Variants in MRPS10 observed in about 807,000 individuals in gnomAD.
MRPS10 encodes the protein mitochondrial ribosomal protein S10.
A neutral mutation model predicts 27.5 loss-of-function variants in MRPS10; 23 were observed. The observed-to-expected ratio is 0.84, with a 90% CI of 0.60 to 1.18. The LOEUF (loss-of-function observed/expected upper bound fraction) is 1.18. Among genes scored for constraint, MRPS10 ranks in the 50% most tolerant of loss-of-function variants. The pLI is 0.00. For missense variants in MRPS10, 237 were observed against 240.1 expected, an observed-to-expected ratio of 0.99 and a Z score of 0.09; for synonymous variants, 88 against 84.2, an observed-to-expected ratio of 1.04 and a Z score of -0.25.
rs368400750 is a variant in MRPS10 at position 42,207,781 on chromosome 6, A to G, written c.*508T>C. On this transcript the variant is annotated 3_prime_UTR_variant, in exon 7 of 7. Coordinates refer to ENST00000053468, the MANE Select transcript of MRPS10 (RefSeq NM_018141.4). ...CTGTGAAGTATATTCAGTCTTCAAA[A>G]TGTAATGCTTACATGAGATAAAATC... is the stretch of plus-strand genomic sequence containing the variant. The G allele has an allele frequency of 6.3e-6, 1 of 159,270 alleles. No individual in the cohort carries two copies. 9.9% of individuals were successfully genotyped at this position (159,270 alleles called of 1,614,324 possible). A position where few individuals can be genotyped will look rare whatever the true frequency, so the allele number is the denominator to read the frequency against.
chr6:42,213,313 G>GCC (rs1768836258), intron 3 of MRPS10, among the ~76,000 whole-genome samples: 4 of 152,284 alleles, frequency 2.6e-5, no homozygotes, highest in African/African-American at 9.6e-5. Flanking sequence ...GCCAGGCATG[G>GCC]TGGTGTGTGC....
intron 1 of MRPS10, among the ~76,000 whole-genome samples, chr6:42,214,584 CAA>C (rs34855351): frequency 6.6e-6 from 1 of 150,916 alleles, no homozygotes; most frequent in Admixed American, 6.6e-5. Flanking sequence ...AAAACTTTTT[CAA>C]AAAAAACAAT....
At chr6:42,216,441 G>A (rs982300569) in intron 1 of MRPS10, among the ~76,000 whole-genome samples, 5 of 141,210 alleles carry the variant, frequency 3.5e-5, no homozygotes, top group Admixed American at 1.5e-4. Flanking sequence ...GGAAGGGAGG[G>A]CTGTCTGGGT....
At chr6:42,217,694 A>G in intron 1 of MRPS10, 108 bp downstream of exon 1, 5 of 1,134,232 alleles carry the variant, frequency 4.4e-6, no homozygotes, top group Non-Finnish European at 6.5e-6. Flanking sequence ...GCGCGAGGTG[A>G]GGGATAAATA....
At chr6:42,209,217 C>CA (rs55858057) in intron 5 of MRPS10, among the ~76,000 whole-genome samples, 82,568 of 151,282 alleles carry the variant, frequency 0.55, 24,369 homozygotes, top group East Asian at 0.82. Context: ...AGGCTGGCCT[C>CA]AAACTCCTGA....
chr6:42,208,852 C>A lies in MRPS10; in HGVS notation c.522+6G>T, dbSNP rs762823070. On this transcript the variant is annotated splice_donor_region_variant and intron_variant, in intron 6 of 6. Coordinates refer to ENST00000053468, the MANE Select transcript of MRPS10 (RefSeq NM_018141.4). Reference sequence around the variant, plus strand: ...CCACCGAAAGAGGCAGAAATTCAAGCTATACCTTTGTTACTTCCATGGCAA... The same window carrying A: ...CCACCGAAAGAGGCAGAAATTCAAGATATACCTTTGTTACTTCCATGGCAA... The A allele has an allele frequency of 1.3e-6, 2 of 1,586,868 alleles. No homozygotes were observed. The highest frequency in any genetic ancestry group is 1.7e-6 in the Non-Finnish European group (2 of 1,157,246).
intron 5 of MRPS10, 65 bp from the exon 6 acceptor site, chr6:42,209,012 T>TG: frequency 1.8e-6 from 2 of 1,094,164 alleles, no homozygotes; most frequent in Non-Finnish European, 2.7e-6. Context: ...TTTTGTTTTT[T>TG]TTTTTGAGAT....
At chr6:42,208,472 T>G in intron 6 of MRPS10, 100 bp from the exon 7 acceptor site, 3 of 903,614 alleles carry the variant, frequency 3.3e-6, no homozygotes, top group Non-Finnish European at 5.2e-6. Flanking sequence ...TACTTCTTTT[T>G]CTTTTATCCC....
chr6:42,215,920 A>T (rs995801795), intron 1 of MRPS10, among the ~76,000 whole-genome samples: 7 of 152,128 alleles, frequency 4.6e-5, no homozygotes, highest in African/African-American at 1.7e-4. Context: ...CAATTACACC[A>T]GTGACCCCAC....
chr6:42,210,681 A>G, intron 4 of MRPS10, 85 bp from the exon 5 acceptor site: 2 of 1,521,768 alleles, frequency 1.3e-6, no homozygotes, highest in Non-Finnish European at 1.8e-6. Context: ...CTCACACTCA[A>G]TTATAGGCAT....
chr6:42,214,474 A>C, intron 1 of MRPS10, 130 bp from the exon 2 acceptor site: 1 of 529,102 alleles, frequency 1.9e-6, no homozygotes, highest in Non-Finnish European at 3.2e-6. Flanking sequence ...AAAATGGCCA[A>C]ATTAGATTGA....
chr6:42,214,383 G>A, intron 1 of MRPS10, 39 bp from the exon 2 acceptor site: 1 of 1,445,276 alleles, frequency 6.9e-7, no homozygotes, highest in Non-Finnish European at 9.6e-7. Context: ...TAGAATTAAA[G>A]TCAACTACCA....
chr6:42,209,046 C>G, intron 5 of MRPS10, 99 bp from the exon 6 acceptor site: 1 of 737,300 alleles, frequency 1.4e-6, no homozygotes, highest in Non-Finnish European at 2.2e-6. Flanking sequence ...GTTGCCTGGG[C>G]TGGAGTGTGT....
At chr6:42,213,222 G>A (rs1338402521) in intron 3 of MRPS10, among the ~76,000 whole-genome samples, 2 of 152,214 alleles carry the variant, frequency 1.3e-5, no homozygotes, top group Non-Finnish European at 2.9e-5. Context: ...GCTGAGGCAG[G>A]CAGATCACTT....
Position 42,214,148 on chromosome 6 carries a change from T to G in MRPS10, c.158A>C (p.Asp53Ala). 1.9e-6 allele frequency: 3 copies of G among 1,613,110 alleles called. No homozygotes were observed. The highest frequency in any genetic ancestry group is 2.5e-6 in the Non-Finnish European group (3 of 1,179,632). ...KWVQFSNLHVDVPKDLTKPVV... is the reference protein window; with the variant it reads ...KWVQFSNLHVAVPKDLTKPVV... ...AGGTTTGGTCAAATCCTTTGGAACA[T>G]CAACGTGTAGGTTTGAAAACTGTAC... The change falls in exon 3 of 7, where the codon GAT becomes GCT. Residue 53 changes from aspartate (D) to alanine (A), a missense_variant. Physicochemically the swap from Asp to Ala is moderately radical, Grantham distance 126 (BLOSUM62 -2). Transcript: ENST00000053468.
At chr6:42,216,432 G>A (rs1461321389) in intron 1 of MRPS10, among the ~76,000 whole-genome samples, 1 of 143,760 alleles carries the variant, frequency 7.0e-6, no homozygotes, top group Non-Finnish European at 1.5e-5. Flanking sequence ...TGGTGGTTTG[G>A]AAGGGAGGGC....
intron 3 of MRPS10, among the ~76,000 whole-genome samples, chr6:42,213,190 T>A (rs1768833278): frequency 6.6e-6 from 1 of 152,254 alleles, no homozygotes. Context: ...GGCTCATGCC[T>A]GTAATCCCAG....
intron 3 of MRPS10, 93 bp from the exon 4 acceptor site, chr6:42,212,010 T>C (rs1768795484): frequency 8.5e-7 from 1 of 1,172,648 alleles, no homozygotes; most frequent in African/African-American, 1.5e-5. Flanking sequence ...AACTTCAGAG[T>C]TTACTAATAA....
intron 3 of MRPS10, among the ~76,000 whole-genome samples, chr6:42,213,104 C>T (rs941424682): frequency 6.6e-6 from 1 of 152,178 alleles, no homozygotes; most frequent in Non-Finnish European, 1.5e-5. Context: ...GGCCTGGCTC[C>T]TGCAGGCATG....
Sources: gnomAD v4.1 joint callset for allele counts (sites outside exome capture counted in the v4.1 genomes callset) on GRCh38, gnomAD v4.1.1 for gene constraint, MANE v1.5 for transcripts, NCBI Gene and HGNC (gene_info 2026-07-23, HGNC 2026-07-21) for gene names.